The following OPRM1 variants were observed in gnomAD, a reference collection of about 807,000 sequenced individuals.
OPRM1 encodes opioid receptor mu 1, also known as mu-type opioid receptor.
A neutral mutation model predicts 31.8 loss-of-function variants in OPRM1; 27 were observed. That is an observed-to-expected ratio of 0.85 (90% CI 0.63 to 1.17). The LOEUF (loss-of-function observed/expected upper bound fraction) is 1.17, where lower values mean the gene tolerates loss of function less well. Among genes scored for constraint, OPRM1 ranks in the 50% most tolerant of loss-of-function variants. OPRM1 has a pLI of 0.00. For synonymous variants in OPRM1, 196 were observed against 189.9 expected (o/e 1.03, Z -0.26); for missense variants, 536 against 511.1 (o/e 1.05, Z -0.47).
chr6:154,209,845 C>T (rs1376835927), intron 3 of OPRM1, among the ~76,000 whole-genome samples: 1 of 152,042 alleles, frequency 6.6e-6, no homozygotes, highest in East Asian at 1.9e-4. Context: ...AACTGTTCAA[C>T]GTTTATCTGA....
chr6:154,053,647 TCTC>T (rs1167378032), intron 1 of OPRM1, among the ~76,000 whole-genome samples: 2 of 152,174 alleles, frequency 1.3e-5, no homozygotes, highest in African/African-American at 4.8e-5. Context: ...CTCACTGAAA[TCTC>T]CTCCCTGCCT....
chr6:154,113,153 T>G (rs1358081712), intron 3 of OPRM1, among the ~76,000 whole-genome samples: 3 of 152,232 alleles, frequency 2.0e-5, no homozygotes, highest in Admixed American at 1.3e-4. Flanking sequence ...GAGCTAAGAC[T>G]GACCTGCTGA....
Position 154,019,068 on chromosome 6 carries a change from G to T in OPRM1, c.-1+8050G>T, listed in dbSNP as rs191296556. Among the ~76,000 whole-genome samples, 829 of 151,536 alleles carry T rather than the reference G, an allele frequency of 5.5e-3. 5 individuals carry two copies. The highest frequency in any genetic ancestry group is 7.2e-3 in the Non-Finnish European group (486 of 67,960). ...TGTAATAATCACATCATGCCAAATC[G>T]AGCACCCAACCTCTCGCGCATTTAT... is the stretch of plus-strand genomic sequence containing the variant. On this transcript the variant is annotated intron_variant, in intron 1 of 5. Coordinates refer to the OPRM1 transcript ENST00000434900.
chr6:154,211,234 G>C (rs972565763), intron 3 of OPRM1, among the ~76,000 whole-genome samples: 3 of 152,006 alleles, frequency 2.0e-5, no homozygotes, highest in Non-Finnish European at 4.4e-5. Context: ...GGCTAACACG[G>C]TGAAATCCCG....
chr6:154,153,722 G>A (rs1798607743), intron 3 of OPRM1, among the ~76,000 whole-genome samples: 1 of 151,072 alleles, frequency 6.6e-6, no homozygotes, highest in Non-Finnish European at 1.5e-5. Flanking sequence ...GAGGCGAGGA[G>A]AGAAGGAAGG....
intron 3 of OPRM1, among the ~76,000 whole-genome samples, chr6:154,245,663 A>G (rs533393017): frequency 6.6e-6 from 1 of 152,328 alleles, no homozygotes; most frequent in African/African-American, 2.4e-5. Flanking sequence ...CTGGCTTATA[A>G]GCAACTCCTA....
intron 3 of OPRM1, among the ~76,000 whole-genome samples, chr6:154,176,554 G>A (rs1474178077): frequency 3.9e-5 from 6 of 152,046 alleles, no homozygotes; most frequent in Admixed American, 6.6e-5. Context: ...AATCATGAGT[G>A]AACTCCCATT....
intron 1 of OPRM1, among the ~76,000 whole-genome samples, chr6:154,081,299 T>G (rs1789073296): frequency 1.3e-5 from 2 of 152,052 alleles, no homozygotes; most frequent in Non-Finnish European, 1.5e-5. Flanking sequence ...GTCAGGAGAT[T>G]GAGACCATCC....
At chr6:154,103,579 G>C (rs538892643) in intron 3 of OPRM1, among the ~76,000 whole-genome samples, 82 of 152,160 alleles carry the variant, frequency 5.4e-4, no homozygotes, top group Non-Finnish European at 1.1e-3. Flanking sequence ...CAAAGTGAAA[G>C]CAAGTTTATT....
chr6:154,212,614 A>G (rs1212116370), intron 3 of OPRM1, among the ~76,000 whole-genome samples: 1 of 152,214 alleles, frequency 6.6e-6, no homozygotes, highest in East Asian at 1.9e-4. Context: ...AGAAGGCTCA[A>G]AATCAGCACC....
rs1233336253 is a variant in OPRM1 at position 154,118,685 on chromosome 6, A to G, written c.1167A>G (p.Leu389=). The G allele has an allele frequency of 6.2e-7, 1 of 1,613,260 alleles. No homozygotes were observed. The highest frequency in any genetic ancestry group is 8.5e-7 in the Non-Finnish European group (1 of 1,179,492). Reference sequence around the variant, plus strand: ...CTTTGCTCTTTCTCTCCTTTCAGCTAGAAAATCTGGAAGCAGAAACTGCTC... The same window carrying G: ...CTTTGCTCTTTCTCTCCTTTCAGCTGGAAAATCTGGAAGCAGAAACTGCTC... ...ANTVDRTNHQ[L]ENLEAETAPL... Residue 389 remains leucine (L), a splice_region_variant and synonymous_variant, in exon 4 of 4, where the codon CTA becomes CTG. Transcript: ENST00000330432.
intron 3 of OPRM1, among the ~76,000 whole-genome samples, chr6:154,228,328 C>T (rs1779433339): frequency 6.6e-6 from 1 of 151,784 alleles, no homozygotes; most frequent in Non-Finnish European, 1.5e-5. Context: ...AAGTTTCCTC[C>T]AGGTTCTATG....
intron 1 of OPRM1, among the ~76,000 whole-genome samples, chr6:154,060,411 C>A (rs1233951538): frequency 6.6e-6 from 1 of 152,174 alleles, no homozygotes; most frequent in South Asian, 2.1e-4. Flanking sequence ...TTATCTGTAA[C>A]TCTTTCTTTG....
chr6:154,048,083 G>C (rs765222483), intron 1 of OPRM1, among the ~76,000 whole-genome samples: 11 of 152,110 alleles, frequency 7.2e-5, no homozygotes, highest in Non-Finnish European at 1.3e-4. Flanking sequence ...CATCACACTG[G>C]GGAATAGGTT....
intron 3 of OPRM1, among the ~76,000 whole-genome samples, chr6:154,199,263 G>C (rs1776885031): frequency 6.6e-6 from 1 of 152,236 alleles, no homozygotes; most frequent in Non-Finnish European, 1.5e-5. Flanking sequence ...CCCAGAGAAA[G>C]TGGCTGATCT....
chr6:154,180,487 A>T (rs1315969660), intron 3 of OPRM1, among the ~76,000 whole-genome samples: 1 of 151,454 alleles, frequency 6.6e-6, no homozygotes, highest in Non-Finnish European at 1.5e-5. Context: ...GCCAACAGTT[A>T]TAAGTTCACT....
At chr6:154,067,817 T>C (rs897469288) in intron 1 of OPRM1, among the ~76,000 whole-genome samples, 2 of 152,140 alleles carry the variant, frequency 1.3e-5, no homozygotes, top group East Asian at 3.8e-4. Flanking sequence ...AATGGTCTGT[T>C]GTTGAGTACT....
At chr6:154,159,749 A>T in intron 3 of OPRM1, 4 of 1,151,888 alleles carry the variant, frequency 3.5e-6, no homozygotes, top group Non-Finnish European at 5.0e-6. Context: ...TTTTCCTTTT[A>T]AGGAAAAATG....
intron 3 of OPRM1, among the ~76,000 whole-genome samples, chr6:154,095,439 C>T (rs1259258829): frequency 6.6e-6 from 1 of 152,184 alleles, no homozygotes; most frequent in East Asian, 1.9e-4. Flanking sequence ...TGACGAACAA[C>T]CTAAATGACT....
Sources: allele counts gnomAD v4.1 joint callset (sites outside exome capture counted in the v4.1 genomes callset), GRCh38; gene constraint gnomAD v4.1.1; transcripts MANE v1.5; gene names NCBI Gene and HGNC (gene_info 2026-07-23, HGNC 2026-07-21).